The following MYH8 variants were observed in gnomAD, a reference collection of about 807,000 sequenced individuals.
MYH8 encodes myosin heavy chain 8.
MYH8 carries 168 observed loss-of-function variants against 233.2 expected under a neutral mutation model. That is an observed-to-expected ratio of 0.72 (90% CI 0.64 to 0.82). The LOEUF is 0.82. Among genes scored for constraint, MYH8 ranks in the 40% least tolerant of loss-of-function variants. The pLI is 0.00. For synonymous variants in MYH8, 785 were observed against 850.6 expected (o/e 0.92, Z 1.34); for missense variants, 1,995 against 2,327.8 (o/e 0.86, Z 2.94).
chr17:10,398,580 C>T lies in MYH8; in HGVS notation c.4042G>A (p.Glu1348Lys), dbSNP rs140562514. Residue 1348 changes from glutamate to lysine, a missense_variant, in exon 30 of 40, where the codon GAA becomes AAA. By Grantham distance (56) the Glu-to-Lys change is moderately conservative. This residue lies in a region of MYH8 where 1,498 missense variants were observed against 1,680.9 expected (regional missense o/e 0.89). Coordinates refer to ENST00000403437, the MANE Select transcript of MYH8 (RefSeq NM_002472.3). ...SSRHDCDLLREQYEEEQEGKA... is the reference protein window; with the variant it reads ...SSRHDCDLLRKQYEEEQEGKA... ...CCTTCCTGCTCTTCCTCATACTGTT[C>T]CCGCAGCAGGTCGCAGTCATGGCGG... 1.3e-3 allele frequency: 2,128 copies of T among 1,614,214 alleles called. 5 individuals are homozygous for T. Among genetic ancestry groups the T allele is most frequent in the Non-Finnish European group, 1.7e-3 (2,032 of 1,180,036 alleles).
intron 28 of MYH8, 108 bp from the exon 29 acceptor site, chr17:10,398,994 GTATATA>G (rs71365759): frequency 5.1e-4 from 160 of 312,546 alleles, no homozygotes; most frequent in East Asian, 1.4e-3. Flanking sequence ...ATGTGTGTGT[GTATATA>G]TATATATATA....
At chr17:10,410,109 G>T (rs2072231304) in intron 15 of MYH8, among the ~76,000 whole-genome samples, 1 of 152,170 alleles carries the variant, frequency 6.6e-6, no homozygotes, top group Non-Finnish European at 1.5e-5. Context: ...TTCAAGACCA[G>T]CTTGGGGACC....
In MYH8 at chr17:10,391,939, G is replaced by C; in HGVS notation, c.5607C>G (p.Asp1869Glu). Residue 1869 changes from aspartate to glutamate, a missense_variant, in exon 39 of 40, where the codon GAC (aspartate) becomes GAG (glutamate). Physicochemically the swap from Asp to Glu is conservative, Grantham distance 45 (BLOSUM62 2). This residue lies in a region of MYH8 where 1,498 missense variants were observed against 1,680.9 expected (regional missense o/e 0.89). Coordinates refer to ENST00000403437, the MANE Select transcript of MYH8 (RefSeq NM_002472.3). ...CCTTCGCCTGTAATTTATCTACCAA[G>C]TCCTGCAGCCTGAGAACATTCTTGC... is the stretch of plus-strand genomic sequence containing the variant. ...EDRKNVLRLQ[D>E]LVDKLQAKVK... 1.2e-6 allele frequency: 2 copies of C among 1,614,056 alleles called. No homozygotes were observed. The highest frequency in any genetic ancestry group is 1.7e-6 in the Non-Finnish European group (2 of 1,180,006).
chr17:10,418,264 G>C (rs1567690502), intron 5 of MYH8, among the ~76,000 whole-genome samples: 1 of 152,278 alleles, frequency 6.6e-6, no homozygotes, highest in South Asian at 2.1e-4. Context: ...AACTCTTTTC[G>C]TTGACTGCTG....
At position 10,406,124 on chromosome 17, in the gene MYH8, T is replaced by C; in HGVS notation, c.2349A>G (p.Lys783=). The C allele has an allele frequency of 6.2e-7, 1 of 1,614,110 alleles. No homozygotes were observed. The highest frequency in any genetic ancestry group is 8.5e-7 in the Non-Finnish European group (1 of 1,180,018). ...LGLLEEMRDE[K]LAQIITRTQA... is the part of the protein sequence containing the mutation. ...GTGTTCTTGTTATAATTTGGGCTAA[T>C]TTTTCATCTCTCATTTCTTCCAGAA... The change falls in exon 21 of 40, where the codon AAA becomes AAG. Residue 783 remains lysine (K), a synonymous_variant. Coordinates refer to ENST00000403437, the MANE Select transcript of MYH8 (RefSeq NM_002472.3).
intron 30 of MYH8, 59 bp from the exon 31 acceptor site, chr17:10,397,045 T>G: frequency 6.4e-7 from 1 of 1,560,368 alleles, no homozygotes; most frequent in Non-Finnish European, 8.8e-7. Context: ...AGTGATAACC[T>G]CCTTGGTCCC....
chr17:10,403,794 C>T (rs1419363732), intron 22 of MYH8, among the ~76,000 whole-genome samples: 1 of 152,066 alleles, frequency 6.6e-6, no homozygotes, highest in Non-Finnish European at 1.5e-5. Context: ...CTCCTTCCTG[C>T]ACCAATAAAC....
chr17:10,404,726 TACACACAC>T (rs60545187), intron 21 of MYH8, 141 bp from the exon 22 acceptor site: 9 of 777,504 alleles, frequency 1.2e-5, no homozygotes, highest in South Asian at 3.4e-5. Flanking sequence ...ATGCAGGCTT[TACACACAC>T]ACACACACAC....
chr17:10,390,447 G>A lies in MYH8; in HGVS notation c.*7C>T. ...TTCAGCCTCTTGATAGCATCAGGCA[G>A]GTGTGTTTACTCTGCACTGATTTTT... On this transcript the variant is annotated 3_prime_UTR_variant, in exon 40 of 40. Transcript: ENST00000403437. 6.2e-7 allele frequency: 1 copy of A among 1,613,018 alleles called. No individual in the cohort carries two copies. The highest frequency in any genetic ancestry group is 8.5e-7 in the Non-Finnish European group (1 of 1,180,024).
chr17:10,404,835 G>A (rs146841756), intron 21 of MYH8, among the ~76,000 whole-genome samples: 42 of 152,126 alleles, frequency 2.8e-4, no homozygotes, highest in African/African-American at 8.9e-4. Flanking sequence ...TTCATATTGA[G>A]CACATCTTCT....
intron 19 of MYH8, 107 bp from the exon 20 acceptor site, chr17:10,406,504 G>A (rs774001437): frequency 4.3e-5 from 67 of 1,543,340 alleles, no homozygotes; most frequent in East Asian, 1.3e-4. Context: ...AAATAAAAGT[G>A]GAAAATCCAA....
Position 10,418,903 on chromosome 17 carries a change from G to A in MYH8, c.338C>T (p.Ala113Val), listed in dbSNP as rs2072311481. The change falls in exon 4 of 40, where the codon GCA (alanine) becomes GTA (valine). Residue 113 changes from alanine to valine, a missense_variant. By Grantham distance (64) the Ala-to-Val change is moderately conservative. This residue lies in a region of MYH8 where 479 missense variants were observed against 600.9 expected (regional missense o/e 0.80). Transcript: ENST00000403437. Reference protein sequence around the residue: ...GVLYNLKERYAAWMIYTYSGL... With the variant: ...GVLYNLKERYVAWMIYTYSGL... ...GACACTCACGTAGATCATCCAGGCT[G>A]CATAGCGCTCTTTGAGGTTGTACAG... 3 of 1,614,146 alleles carry A rather than the reference G, an allele frequency of 1.9e-6. No homozygotes were observed. The highest frequency in any genetic ancestry group is 2.5e-6 in the Non-Finnish European group (3 of 1,180,012).
chr17:10,396,936 A>G lies in MYH8; in HGVS notation c.4229T>C (p.Val1410Ala), dbSNP rs1320361315. 1 of 1,614,240 alleles carries G rather than the reference A, an allele frequency of 6.2e-7. No individual in the cohort carries two copies. Among genetic ancestry groups the G allele is most frequent in the Non-Finnish European group, 8.5e-7 (1 of 1,180,048 alleles). The change falls in exon 31 of 40, where the codon GTG becomes GCG. Residue 1410 changes from valine to alanine, a missense_variant. Transcript: ENST00000403437. This position sits in a 1 kb window ranked among gnomAD's most constrained non-coding sequence, Gnocchi z 4.2. ...CTCAAGGGAAGCACATTTGGCGTTC[A>G]CAGCTTCTACATGTTCCTCAGCTTC... ...LQEAEEHVEA[V>A]NAKCASLEKT...
Position 10,417,175 on chromosome 17 carries a change from C to T in MYH8, c.512-1467G>A, listed in dbSNP as rs948315680. Among the ~76,000 whole-genome samples, 1 of 152,112 alleles carries T rather than the reference C, an allele frequency of 6.6e-6. No homozygotes were observed. Among genetic ancestry groups the T allele is most frequent in the African/African-American group, 2.4e-5 (1 of 41,420 alleles). The stretch of plus-strand genomic sequence containing the variant: ...TTCTAAATAATAAAAACAAATGTCA[C>T]TAATTATGTGACTGATATGTTGTAT... On this transcript the variant is annotated intron_variant, in intron 5 of 39. Coordinates refer to ENST00000403437, the MANE Select transcript of MYH8 (RefSeq NM_002472.3). This position sits in a 1 kb window ranked among gnomAD's most constrained non-coding sequence, Gnocchi z 4.1.
At chr17:10,405,953 C>T in intron 21 of MYH8, 88 bp downstream of exon 21, 1 of 1,508,130 alleles carries the variant, frequency 6.6e-7, no homozygotes. Context: ...GAACTATTAG[C>T]CACCAAATGA....
chr17:10,413,758 G>C, intron 12 of MYH8, 144 bp downstream of exon 12: 10 of 1,196,994 alleles, frequency 8.4e-6, no homozygotes, highest in Non-Finnish European at 1.1e-5. Context: ...AAGAGAGGGG[G>C]TGAGGAAAGC....
In MYH8 at chr17:10,414,267, A is replaced by C. The variant is rs773523769; in HGVS notation, c.933T>G (p.Tyr311Ter). 1.2e-6 allele frequency: 2 copies of C among 1,614,112 alleles called. No homozygotes were observed. The highest frequency in any genetic ancestry group is 2.2e-5 in the East Asian group (1 of 44,902). Residue 311 changes from tyrosine to a stop codon, truncating the protein, a stop_gained, in exon 11 of 40, where the codon TAT (tyrosine) becomes TAG (stop). Transcript: ENST00000403437. LOFTEE classifies it high-confidence loss of function. ...IEMLLITTNP[Y>*]DYAFVSQGEI... is the part of the protein sequence containing the mutation. ...CCCCCTGACTGACGAAGGCATAGTC[A>C]TATGGGTTGGTGGTGATCAGGAGCA...
intron 36 of MYH8, 39 bp downstream of exon 36, chr17:10,393,043 TAGC>T: frequency 6.2e-7 from 1 of 1,614,248 alleles, no homozygotes; most frequent in South Asian, 1.1e-5. Flanking sequence ...AACTTGATGA[TAGC>T]AGGTGCATAC....
In MYH8 at chr17:10,396,666, G is replaced by A. The variant is rs776594201; in HGVS notation, c.4415C>T (p.Ala1472Val). ...AAGAGAACGTGACTCCTTCTGGGAG[G>A]CCTCAAGTTCAGCCTGAGTTTCCTC... is the stretch of plus-strand genomic sequence containing the variant. Reference protein sequence around the residue: ...KYEETQAELEASQKESRSLST... With the variant: ...KYEETQAELEVSQKESRSLST... The change falls in exon 32 of 40, where the codon GCC becomes GTC. Residue 1472 changes from alanine (A) to valine (V), a missense_variant. Around this residue, in one of 3 missense-constraint regions of MYH8, gnomAD observed 1,498 missense variants for 1,680.9 expected, o/e 0.89. Transcript: ENST00000403437. The surrounding 1 kb of genome is among the most constrained non-coding windows in gnomAD (Gnocchi z 4.2). The A allele has an allele frequency of 2.5e-5, 41 of 1,614,076 alleles. No individual in the cohort carries two copies. The highest frequency in any genetic ancestry group is 9.3e-5 in the African/African-American group (7 of 74,906).
Sources: gnomAD v4.1 joint callset for allele counts (sites outside exome capture counted in the v4.1 genomes callset) on GRCh38, gnomAD v4.1.1 for gene constraint, gnomAD v4.1.1 regional missense constraint, Gnocchi (gnomAD v3.1) non-coding constraint, MANE v1.5 for transcripts, NCBI Gene and HGNC (gene_info 2026-07-23, HGNC 2026-07-21) for gene names.